NDUFB6: variants seen among roughly 807,000 people sequenced by gnomAD.
NDUFB6 encodes the protein NADH dehydrogenase [ubiquinone] 1 beta subcomplex subunit 6.
NDUFB6 carries 23 observed loss-of-function variants against 17.5 expected under a neutral mutation model. The ratio of observed to expected loss-of-function variants is 1.31; its 90% CI spans 0.94 to 1.86. The LOEUF (loss-of-function observed/expected upper bound fraction) is 1.86, where lower values mean the gene tolerates loss of function less well. NDUFB6 is among the 40% of genes most tolerant of loss of function. The pLI is 0.00. For synonymous variants in NDUFB6, 60 were observed against 53.5 expected, an observed-to-expected ratio of 1.12 and a Z score of -0.53; for missense variants, 167 against 153.8, an observed-to-expected ratio of 1.09 and a Z score of -0.46.
At chr9:32,570,585 G>A (rs1221612782) in intron 2 of NDUFB6, among the ~76,000 whole-genome samples, 3 of 152,126 alleles carry the variant, frequency 2.0e-5, no homozygotes, top group Non-Finnish European at 4.4e-5. Flanking sequence ...ATTGGGTGAT[G>A]ACAAAGATAT....
intron 3 of NDUFB6, 59 bp downstream of exon 3, chr9:32,558,851 G>T: frequency 8.5e-7 from 1 of 1,181,754 alleles, no homozygotes; most frequent in African/African-American, 1.5e-5. Flanking sequence ...CTTGGAAAGG[G>T]AGGAAAAGGA....
At chr9:32,567,676 C>A in intron 2 of NDUFB6, 2 of 342,192 alleles carry the variant, frequency 5.8e-6, no homozygotes, top group South Asian at 5.0e-5. Flanking sequence ...AATCTGCACT[C>A]AGTGATTTTT....
intron 3 of NDUFB6, among the ~76,000 whole-genome samples, chr9:32,555,464 A>AG (rs1821430200): frequency 6.6e-6 from 1 of 152,264 alleles, no homozygotes; most frequent in African/African-American, 2.4e-5. Context: ...GAGGTGAGAG[A>AG]GGCAGATGCA....
At chr9:32,570,889 AGG>A in intron 2 of NDUFB6, 69 bp downstream of exon 2, 1 of 966,918 alleles carries the variant, frequency 1.0e-6, no homozygotes, top group East Asian at 2.8e-5. Context: ...TCCACTAAGT[AGG>A]GTAAGATAGC....
chr9:32,556,428 A>C (rs1821457133), intron 3 of NDUFB6, among the ~76,000 whole-genome samples: 1 of 152,260 alleles, frequency 6.6e-6, no homozygotes, highest in African/African-American at 2.4e-5. Flanking sequence ...AGATTGAGGA[A>C]GATCACCTGA....
rs757562060 is a variant in NDUFB6, at chr9:32,553,546, G to C, written c.*330C>G. On this transcript the variant is annotated 3_prime_UTR_variant, in exon 4 of 4. Coordinates refer to ENST00000379847, the MANE Select transcript of NDUFB6 (RefSeq NM_002493.5). The stretch of plus-strand genomic sequence containing the variant: ...ATTGCTGTTCTTACATTTGTTTATT[G>C]TGATATTTCACTGTTGCATACCCTG... 8.1e-5 allele frequency: 18 copies of C among 220,896 alleles called. No individual in the cohort carries two copies. Among genetic ancestry groups the C allele is most frequent in the African/African-American group, 3.5e-4 (15 of 42,742 alleles). The allele number at this position is 220,896 out of a possible 1,614,324, so 13.7% of individuals were successfully genotyped here. A position where few individuals can be genotyped will look rare whatever the true frequency, so the allele number is the denominator to read the frequency against.
chr9:32,572,717 C>G (rs1253565610), intron 1 of NDUFB6, among the ~76,000 whole-genome samples, 164 bp downstream of exon 1: 1 of 152,158 alleles, frequency 6.6e-6, no homozygotes, highest in Non-Finnish European at 1.5e-5. Flanking sequence ...TATTCCTGGA[C>G]TCCTGCCTCC....
chr9:32,566,270 C>T, intron 2 of NDUFB6: 2 of 1,134,888 alleles, frequency 1.8e-6, no homozygotes, highest in South Asian at 2.5e-5. Context: ...ATTTTAGGTT[C>T]TCTGAGGTAG....
rs1005893176 is a variant in NDUFB6, at chr9:32,553,623, CTAAA to C, written c.*249_*252del. The C allele has an allele frequency of 5.6e-5, 24 of 430,208 alleles. No individual in the cohort carries two copies. Among genetic ancestry groups the C allele is most frequent in the Admixed American group, 5.2e-4 (13 of 24,942 alleles). 26.6% of individuals were successfully genotyped at this position (430,208 alleles called of 1,614,324 possible). On this transcript the variant is annotated 3_prime_UTR_variant, in exon 4 of 4. Transcript: ENST00000379847. ...AAGAAAAAAACAAACAAACATGTAA[CTAAA>C]TACTTTTCCATACCGTTTTCCAAGT...
chr9:32,558,509 T>A (rs1028627804), intron 3 of NDUFB6, among the ~76,000 whole-genome samples: 1 of 152,152 alleles, frequency 6.6e-6, no homozygotes, highest in African/African-American at 2.4e-5. Flanking sequence ...CCATAGGACA[T>A]GAGAGTTTGG....
At chr9:32,560,801 T>C (rs1282357106) in intron 2 of NDUFB6, among the ~76,000 whole-genome samples, 1 of 152,236 alleles carries the variant, frequency 6.6e-6, no homozygotes, top group Non-Finnish European at 1.5e-5. Context: ...CAAAGGAGAT[T>C]ATTCTTATTT....
At chr9:32,569,166 T>C (rs1821887124) in intron 2 of NDUFB6, among the ~76,000 whole-genome samples, 1 of 152,166 alleles carries the variant, frequency 6.6e-6, no homozygotes, top group South Asian at 2.1e-4. Flanking sequence ...AGATCATACA[T>C]AGTCACTAAG....
At chr9:32,562,898 C>T (rs184700831) in intron 2 of NDUFB6, among the ~76,000 whole-genome samples, 89 of 152,298 alleles carry the variant, frequency 5.8e-4, no homozygotes, top group Non-Finnish European at 1.1e-3. Flanking sequence ...ACAGATAATG[C>T]AATTATGCCT....
chr9:32,567,281 T>C (rs983605313), intron 2 of NDUFB6: 1 of 471,756 alleles, frequency 2.1e-6, no homozygotes, highest in African/African-American at 2.0e-5. Flanking sequence ...TCAGTGCCAT[T>C]TTGCTAACAG....
chr9:32,569,039 G>A (rs926544643), intron 2 of NDUFB6, among the ~76,000 whole-genome samples: 24 of 151,708 alleles, frequency 1.6e-4, no homozygotes, highest in African/African-American at 5.3e-4. Flanking sequence ...GTGGGACACC[G>A]CGCCCCGCCT....
intron 2 of NDUFB6, chr9:32,566,728 A>C (rs1464416143): frequency 2.2e-6 from 2 of 901,068 alleles, no homozygotes; most frequent in African/African-American, 3.3e-5. Context: ...CGGGACTCCA[A>C]GCCTTCAAAC....
intron 2 of NDUFB6, chr9:32,568,468 A>G (rs971209871): frequency 2.8e-4 from 64 of 224,806 alleles, no homozygotes; most frequent in Non-Finnish European, 6.1e-4. Flanking sequence ...AGAATTTCGA[A>G]TATTACATAA....
chr9:32,571,039 T>A lies in NDUFB6; in HGVS notation c.194A>T (p.Tyr65Phe). Reference sequence around the variant, plus strand: ...AGTGAAAACAAAGATACTCTTTTTGTATACCCCATGGACCTGGGGGGAAAA... The same window carrying A: ...AGTGAAAACAAAGATACTCTTTTTGAATACCCCATGGACCTGGGGGGAAAA... ...SPWRKMVHGV[Y>F]KKSIFVFTHV... Residue 65 changes from tyrosine (Y) to phenylalanine (F), a missense_variant, in exon 2 of 4, where the codon TAC becomes TTC. Physicochemically the swap from Tyr to Phe is conservative, Grantham distance 22 (BLOSUM62 3). Transcript: ENST00000379847. 6.2e-7 allele frequency: 1 copy of A among 1,603,162 alleles called. No individual in the cohort carries two copies. Among genetic ancestry groups the A allele is most frequent in the Non-Finnish European group, 8.5e-7 (1 of 1,173,334 alleles).
intron 2 of NDUFB6, chr9:32,567,307 C>T (rs566250085): frequency 1.9e-4 from 91 of 470,486 alleles, no homozygotes; most frequent in African/African-American, 1.6e-3. Context: ...GTTCACTTCA[C>T]GTCTCTGTGC....
Sources: allele counts gnomAD v4.1 joint callset (sites outside exome capture counted in the v4.1 genomes callset), GRCh38; gene constraint gnomAD v4.1.1; transcripts MANE v1.5; gene names NCBI Gene and HGNC (gene_info 2026-07-23, HGNC 2026-07-21).